Variants in PARD3B observed in about 807,000 individuals in gnomAD.
PARD3B encodes the protein partitioning defective 3 homolog B.
PARD3B carries 103 observed loss-of-function variants against 130.2 expected under a neutral mutation model. The observed-to-expected ratio is 0.79, with a 90% CI of 0.67 to 0.93. The LOEUF is 0.93. PARD3B is among the 40% of genes least tolerant of loss of function. PARD3B has a pLI of 0.00. For synonymous variants in PARD3B, 583 were observed against 553.2 expected (o/e 1.05, Z -0.76); for missense variants, 1,609 against 1,499.2 (o/e 1.07, Z -1.21).
intron 3 of PARD3B, among the ~76,000 whole-genome samples, chr2:204,979,062 C>A (rs376392431): frequency 1.3e-5 from 2 of 151,396 alleles, no homozygotes; most frequent in Non-Finnish European, 2.9e-5. Flanking sequence ...AAAAATTAGC[C>A]GGGCGTGGTG....
intron 3 of PARD3B, among the ~76,000 whole-genome samples, chr2:205,042,420 T>C (rs1698459871): frequency 1.3e-5 from 2 of 152,140 alleles, no homozygotes; most frequent in Admixed American, 6.6e-5. Flanking sequence ...AGTGTGTAAG[T>C]TTTTCCTGAA....
At chr2:205,538,030 A>C (rs990187419) in intron 21 of PARD3B, among the ~76,000 whole-genome samples, 1 of 151,978 alleles carries the variant, frequency 6.6e-6, no homozygotes, top group Non-Finnish European at 1.5e-5. Context: ...TACTTTTTTC[A>C]TTTAGTTGAT....
At chr2:204,756,425 A>AT (rs145874472) in intron 2 of PARD3B, among the ~76,000 whole-genome samples, 3 of 152,076 alleles carry the variant, frequency 2.0e-5, no homozygotes, top group Admixed American at 6.6e-5. Context: ...CAAGAGTTAT[A>AT]TTTTTTCTCC....
intron 2 of PARD3B, among the ~76,000 whole-genome samples, chr2:204,709,949 A>T (rs1468720270): frequency 6.6e-6 from 1 of 152,242 alleles, no homozygotes; most frequent in Non-Finnish European, 1.5e-5. Context: ...TATTTTTCAC[A>T]GGCTAAAGAA....
chr2:204,866,293 T>C (rs1229010929), intron 2 of PARD3B, among the ~76,000 whole-genome samples: 1 of 152,188 alleles, frequency 6.6e-6, no homozygotes, highest in Non-Finnish European at 1.5e-5. Flanking sequence ...CTTTTTGTTC[T>C]GGTTACTTAT....
intron 1 of PARD3B, among the ~76,000 whole-genome samples, chr2:204,685,570 A>C (rs922727693): frequency 3.3e-5 from 5 of 152,212 alleles, no homozygotes; most frequent in African/African-American, 9.6e-5. Context: ...TGAATTCCCC[A>C]TTCAACTCTG....
intron 2 of PARD3B, among the ~76,000 whole-genome samples, chr2:204,737,973 T>C (rs1273823387): frequency 6.6e-6 from 1 of 152,084 alleles, no homozygotes; most frequent in African/African-American, 2.4e-5. Flanking sequence ...AACTGTAGTC[T>C]TGTAGTATAA....
chr2:205,430,040 A>C (rs1483486596), intron 19 of PARD3B, among the ~76,000 whole-genome samples: 8 of 152,192 alleles, frequency 5.3e-5, no homozygotes, highest in African/African-American at 1.9e-4. Flanking sequence ...TAGAGCCTAT[A>C]TGGATAATCC....
At chr2:205,328,060 A>G (rs2042994874) in intron 18 of PARD3B, among the ~76,000 whole-genome samples, 1 of 152,226 alleles carries the variant, frequency 6.6e-6, no homozygotes, top group Non-Finnish European at 1.5e-5. Flanking sequence ...AAGCTATTAT[A>G]ACAAAAAGAG....
intron 4 of PARD3B, among the ~76,000 whole-genome samples, chr2:205,058,527 A>T (rs1479555801): frequency 1.3e-5 from 2 of 151,980 alleles, no homozygotes; most frequent in Non-Finnish European, 1.5e-5. Flanking sequence ...ATTCTTTTCC[A>T]CAGAGGTGTG....
At chr2:205,339,531 G>C (rs893178577) in intron 18 of PARD3B, among the ~76,000 whole-genome samples, 5 of 152,312 alleles carry the variant, frequency 3.3e-5, no homozygotes, top group African/African-American at 1.2e-4. Context: ...TTGACAATTG[G>C]TTTTAACTAG....
In PARD3B at chr2:204,944,108, A is replaced by G. The variant is rs554616982; in HGVS notation, c.223-21044A>G. On this transcript the variant is annotated intron_variant, in intron 2 of 22. Coordinates refer to ENST00000406610, the MANE Select transcript of PARD3B (RefSeq NM_001302769.2). ...AGAAAGAATGAAAGAAACTGGTGGC[A>G]CAAATTCAAAATGAAGTACCACTTA... is the stretch of plus-strand genomic sequence containing the variant. 2.6e-5 allele frequency among the ~76,000 whole-genome samples: 4 copies of G among 152,366 alleles called. No individual in the cohort carries two copies. The East Asian group carries it at 7.7e-4, about 29-fold the overall frequency.
In PARD3B at chr2:204,596,917, ACTCTCTCTCT is replaced by A. The variant is rs560128486; in HGVS notation, c.120+50811_120+50820del. 5.6e-5 allele frequency among the ~76,000 whole-genome samples: 7 copies of A among 125,242 alleles called. No homozygotes were observed. In the East Asian group the frequency reaches 8.9e-4, roughly 16 times the overall value. The allele number at this position is 125,242 out of a possible 152,430, so 82.2% of individuals were successfully genotyped here. On this transcript the variant is annotated intron_variant, in intron 1 of 22. Transcript: ENST00000406610. ...TGGGCAACAAGAGAGAAACTCACTC[ACTCTCTCTCT>A]CTCTCTCTCTCTATCTGTCTCTCTC...
At chr2:204,761,176 C>G (rs1421026622) in intron 2 of PARD3B, among the ~76,000 whole-genome samples, 1 of 152,046 alleles carries the variant, frequency 6.6e-6, no homozygotes, top group Non-Finnish European at 1.5e-5. Context: ...CATTGTATGG[C>G]CAAGGATGAC....
chr2:204,712,082 A>G (rs563827215), intron 2 of PARD3B, among the ~76,000 whole-genome samples: 2 of 152,330 alleles, frequency 1.3e-5, no homozygotes, highest in South Asian at 4.1e-4. Flanking sequence ...TTTACACTGT[A>G]TAACAAATAG....
intron 10 of PARD3B, among the ~76,000 whole-genome samples, chr2:205,131,914 G>A (rs1261753734): frequency 6.6e-6 from 1 of 152,088 alleles, no homozygotes; most frequent in Non-Finnish European, 1.5e-5. Context: ...AGGAGCTTGG[G>A]ACCTGGAATC....
chr2:204,719,980 T>G (rs1327175435), intron 2 of PARD3B, among the ~76,000 whole-genome samples: 1 of 152,192 alleles, frequency 6.6e-6, no homozygotes, highest in Non-Finnish European at 1.5e-5. Flanking sequence ...TGCTTAAGCT[T>G]TTGCCTCTTG....
At chr2:205,583,400 T>TGTGTGTGTGTGTGCGC (rs1192785640) in intron 22 of PARD3B, among the ~76,000 whole-genome samples, 1 of 133,994 alleles carries the variant, frequency 7.5e-6, no homozygotes, top group African/African-American at 3.0e-5. Context: ...TGTGTGTGTG[T>TGTGTGTGTGTGTGCGC]GCGCGCGCAC....
In PARD3B at chr2:204,950,308, AGTAAAT is replaced by A. The variant is rs1176921586; in HGVS notation, c.223-14841_223-14836del. Among the ~76,000 whole-genome samples the A allele has an allele frequency of 3.4e-4, 52 of 152,346 alleles. 1 individual carries two copies. Among genetic ancestry groups the A allele is most frequent in the Middle Eastern group, 3.4e-3 (1 of 294 alleles). On this transcript the variant is annotated intron_variant, in intron 2 of 22. Coordinates refer to ENST00000406610, the MANE Select transcript of PARD3B (RefSeq NM_001302769.2). ...TGTGCTTTGAATATGGTAAACATTC[AGTAAAT>A]GTTAGCTGCTATACTTTTCTTTATT...
Sources: allele counts gnomAD v4.1 joint callset (sites outside exome capture counted in the v4.1 genomes callset), GRCh38; gene constraint gnomAD v4.1.1; transcripts MANE v1.5; gene names NCBI Gene and HGNC (gene_info 2026-07-23, HGNC 2026-07-21).